CCSER1: variants seen among roughly 807,000 people sequenced by gnomAD.
CCSER1 encodes serine-rich coiled-coil domain-containing protein 1.
Under a neutral mutation model 82.0 loss-of-function variants are expected in CCSER1, and 41 were observed. The observed-to-expected ratio is 0.50, with a 90% CI of 0.39 to 0.65. The LOEUF is 0.65. Among genes scored for constraint, CCSER1 ranks in the 30% least tolerant of loss-of-function variants. The pLI, the probability that CCSER1 is intolerant of heterozygous loss-of-function variation, is 0.00. For missense variants in CCSER1, 1,119 were observed against 1,064.2 expected (o/e 1.05, Z -0.72); for synonymous variants, 414 against 383.9 (o/e 1.08, Z -0.92).
intron 10 of CCSER1, among the ~76,000 whole-genome samples, chr4:91,566,177 T>C (rs146976026): frequency 0.015 from 2,238 of 152,300 alleles, 54 homozygotes; most frequent in African/African-American, 0.051. Flanking sequence ...GTTCTGTTGA[T>C]GTGATGAATC....
chr4:91,142,209 G>A (rs1347600097), intron 10 of CCSER1, among the ~76,000 whole-genome samples: 1 of 152,050 alleles, frequency 6.6e-6, no homozygotes, highest in Non-Finnish European at 1.5e-5. Context: ...GTGAATAAGT[G>A]TCACAAGATC....
chr4:90,486,333 C>T (rs1767051396), intron 5 of CCSER1, among the ~76,000 whole-genome samples: 1 of 152,154 alleles, frequency 6.6e-6, no homozygotes, highest in Non-Finnish European at 1.5e-5. Flanking sequence ...CATTAAAGTC[C>T]TGACATGGAC....
intron 10 of CCSER1, among the ~76,000 whole-genome samples, chr4:91,280,942 C>G (rs1188217266): frequency 6.6e-6 from 1 of 152,106 alleles, no homozygotes; most frequent in Non-Finnish European, 1.5e-5. Flanking sequence ...TTGCTTAGGA[C>G]TCAGGGCAAG....
rs752253467 is a variant in CCSER1, at chr4:90,549,097, C to A, written c.1725-78928C>A. On this transcript the variant is annotated intron_variant, in intron 5 of 10. Coordinates refer to ENST00000509176, the MANE Select transcript of CCSER1 (RefSeq NM_001145065.2). ...TTTGCAGTATATAATATGTGATGCC[C>A]AACCACAATAGTGTGAGCATTTTTC... Among the ~76,000 whole-genome samples the A allele has an allele frequency of 4.5e-4, 68 of 152,236 alleles. 2 individuals carry two copies. Among genetic ancestry groups the A allele is most frequent in the Non-Finnish European group, 3.4e-4 (23 of 67,992 alleles).
chr4:91,517,904 G>C (rs185168603), intron 10 of CCSER1, among the ~76,000 whole-genome samples: 91 of 135,952 alleles, frequency 6.7e-4, no homozygotes, highest in African/African-American at 2.5e-3. Flanking sequence ...GTTTCACAGG[G>C]GGGGTATGAT....
At chr4:91,271,107 AATAG>A (rs144929212) in intron 10 of CCSER1, among the ~76,000 whole-genome samples, 3,088 of 152,282 alleles carry the variant, frequency 0.02, 105 homozygotes, top group African/African-American at 0.07. Context: ...TGTCTTAAGT[AATAG>A]ATAGATTTTT....
At chr4:90,930,740 G>A (rs1729645270) in intron 9 of CCSER1, among the ~76,000 whole-genome samples, 2 of 151,512 alleles carry the variant, frequency 1.3e-5, no homozygotes, top group Non-Finnish European at 2.9e-5. Context: ...TCAATCAATT[G>A]CAGCTAATTA....
chr4:90,276,538 G>T (rs1296484229), intron 1 of CCSER1, among the ~76,000 whole-genome samples: 3 of 151,582 alleles, frequency 2.0e-5, no homozygotes, highest in African/African-American at 7.3e-5. Context: ...TAGAGATGGG[G>T]TTTCACCATG....
rs573682688 is a variant in CCSER1 at position 91,106,501 on chromosome 4, T to C, written c.2217+20507T>C. Among the ~76,000 whole-genome samples the C allele has an allele frequency of 1.1e-3, 166 of 152,306 alleles. 2 individuals are homozygous for C. The highest frequency in any genetic ancestry group is 3.8e-3 in the African/African-American group (158 of 41,572). ...TCCACTTAACTAAACACTTCTATTC[T>C]CTCTCCCTCTTTTTCTACTCTTTCC... On this transcript the variant is annotated intron_variant, in intron 10 of 10. Transcript: ENST00000509176.
chr4:90,568,228 GT>G (rs1166476221), intron 5 of CCSER1, among the ~76,000 whole-genome samples: 1 of 152,112 alleles, frequency 6.6e-6, no homozygotes, highest in East Asian at 1.9e-4. Context: ...TTGGTTTTCT[GT>G]CTGGATGATC....
intron 5 of CCSER1, among the ~76,000 whole-genome samples, chr4:90,487,853 G>A (rs1767352813): frequency 6.6e-6 from 1 of 152,074 alleles, no homozygotes; most frequent in South Asian, 2.1e-4. Context: ...TGTTGGCCAG[G>A]CTGTTCTCCA....
intron 10 of CCSER1, among the ~76,000 whole-genome samples, chr4:91,485,613 A>G (rs1198311837): frequency 1.3e-5 from 2 of 152,168 alleles, no homozygotes; most frequent in African/African-American, 2.4e-5. Context: ...CTGCCATGCA[A>G]TTATTACCTA....
At chr4:91,147,555 C>G (rs1232525458) in intron 10 of CCSER1, among the ~76,000 whole-genome samples, 1 of 152,220 alleles carries the variant, frequency 6.6e-6, no homozygotes, top group Non-Finnish European at 1.5e-5. Flanking sequence ...GGCTCCTCCT[C>G]CAATAGAGAT....
chr4:91,208,430 T>G (rs1042267358), intron 10 of CCSER1, among the ~76,000 whole-genome samples: 44 of 151,864 alleles, frequency 2.9e-4, no homozygotes, highest in African/African-American at 1.1e-3. Context: ...TGGTCCTATT[T>G]TACTCTTCTA....
At chr4:91,164,764 A>G (rs1265036191) in intron 10 of CCSER1, among the ~76,000 whole-genome samples, 1 of 152,144 alleles carries the variant, frequency 6.6e-6, no homozygotes, top group Non-Finnish European at 1.5e-5. Flanking sequence ...TTCTTGCGCC[A>G]TGATTTTCAG....
At chr4:90,402,931 A>C (rs1753104436) in intron 4 of CCSER1, among the ~76,000 whole-genome samples, 1 of 152,212 alleles carries the variant, frequency 6.6e-6, no homozygotes, top group South Asian at 2.1e-4. Flanking sequence ...TACCTGATGA[A>C]TCAACTGAGT....
intron 4 of CCSER1, among the ~76,000 whole-genome samples, chr4:90,417,072 G>A (rs984515137): frequency 6.6e-6 from 1 of 152,184 alleles, no homozygotes; most frequent in Non-Finnish European, 1.5e-5. Context: ...AGAGGAGGGA[G>A]AGAATTAGGA....
At chr4:90,817,282 A>G (rs1759147913) in intron 8 of CCSER1, among the ~76,000 whole-genome samples, 1 of 152,064 alleles carries the variant, frequency 6.6e-6, no homozygotes, top group Non-Finnish European at 1.5e-5. Flanking sequence ...ACTTTGTCAG[A>G]GAGTGCTTAT....
chr4:90,695,752 T>C (rs1736879880), intron 6 of CCSER1, among the ~76,000 whole-genome samples: 3 of 152,062 alleles, frequency 2.0e-5, no homozygotes, highest in Non-Finnish European at 2.9e-5. Flanking sequence ...TTAAGCCAAA[T>C]ATTTATATTT....
Sources: gnomAD v4.1 joint callset for allele counts (sites outside exome capture counted in the v4.1 genomes callset) on GRCh38, gnomAD v4.1.1 for gene constraint, MANE v1.5 for transcripts, NCBI Gene and HGNC (gene_info 2026-07-23, HGNC 2026-07-21) for gene names.